The following WDR11 variants were observed in gnomAD, a reference collection of about 807,000 sequenced individuals.
WDR11 encodes the protein WD repeat-containing protein 11.
Under a neutral mutation model 151.2 loss-of-function variants are expected in WDR11, and 83 were observed. That is an observed-to-expected ratio of 0.55 (90% confidence interval 0.46 to 0.66). WDR11 has a LOEUF of 0.66. Among genes scored for constraint, WDR11 ranks in the 30% least tolerant of loss-of-function variants. The pLI is 0.00. For missense variants in WDR11, 1,301 were observed against 1,480.9 expected (o/e 0.88, Z 1.99); for synonymous variants, 484 against 533.1 (o/e 0.91, Z 1.27).
Position 120,866,107 on chromosome 10 carries a change from A to G in WDR11, c.994+363A>G, listed in dbSNP as rs112356960. Among the ~76,000 whole-genome samples, 1,368 of 152,060 alleles carry G rather than the reference A, an allele frequency of 9.0e-3. 20 individuals are homozygous for G. Among genetic ancestry groups the G allele is most frequent in the African/African-American group, 0.031 (1,294 of 41,498 alleles). On this transcript the variant is annotated intron_variant, in intron 7 of 28. Coordinates refer to ENST00000263461, the MANE Select transcript of WDR11 (RefSeq NM_018117.12). ...CTGTAAGAACTTCCATTGTAAAGTGACAGAGGTTATTAAGTCTCAGTTGTC... is the reference window on the plus strand; with the variant it reads ...CTGTAAGAACTTCCATTGTAAAGTGGCAGAGGTTATTAAGTCTCAGTTGTC...
In WDR11 at chr10:120,865,061, C is replaced by T; in HGVS notation, c.728C>T (p.Thr243Ile). 1 of 1,613,884 alleles carries T rather than the reference C, an allele frequency of 6.2e-7. No individual in the cohort carries two copies. Among genetic ancestry groups the T allele is most frequent in the Non-Finnish European group, 8.5e-7 (1 of 1,179,830 alleles). The change falls in exon 6 of 29, where the codon ACT becomes ATT. Residue 243 changes from threonine (T) to isoleucine (I), a missense_variant. Thr to Ile is a moderately conservative substitution (Grantham distance 89). Transcript: ENST00000263461. ...ACTTTTTTCAGTGCTGAATTCATAA[C>T]TCTCAATGATTGCCTTCAGTTGGCA... ...TQEKPSAEFI[T>I]LNDCLQLAYL...
At position 120,860,271 on chromosome 10, in the gene WDR11, C is replaced by T. The variant is rs762652103; in HGVS notation, c.515C>T (p.Ser172Leu). 5.0e-6 allele frequency: 8 copies of T among 1,613,630 alleles called. No homozygotes were observed. Among genetic ancestry groups the T allele is most frequent in the Middle Eastern group, 1.6e-4 (1 of 6,082 alleles). Residue 172 changes from serine to leucine, a missense_variant, in exon 4 of 29, where the codon TCA becomes TTA. Ser to Leu is a moderately radical substitution (Grantham distance 145). Coordinates refer to ENST00000263461, the MANE Select transcript of WDR11 (RefSeq NM_018117.12). Reference protein sequence around the residue: ...LSFSFDPFDPSHLTLLTSEGI... With the variant: ...LSFSFDPFDPLHLTLLTSEGI... ...TTTTCTTTTGACCCTTTTGATCCCT[C>T]ACATTTAACTTGTGAGTAACAGTTG...
Position 120,902,333 on chromosome 10 carries a change from T to G in WDR11, c.2753+11T>G. 1 of 1,610,780 alleles carries G rather than the reference T, an allele frequency of 6.2e-7. No individual in the cohort carries two copies. The highest frequency in any genetic ancestry group is 8.5e-7 in the Non-Finnish European group (1 of 1,177,062). ...CCTGCTTGTTTCAAGGTAATATTGTTTGATGTATTCTGTATAAGAGACAGG... is the reference window on the plus strand; with the variant it reads ...CCTGCTTGTTTCAAGGTAATATTGTGTGATGTATTCTGTATAAGAGACAGG... On this transcript the variant is annotated intron_variant, in intron 22 of 28. Coordinates refer to ENST00000263461, the MANE Select transcript of WDR11 (RefSeq NM_018117.12).
At chr10:120,853,427 A>G (rs1845847838) in intron 2 of WDR11, among the ~76,000 whole-genome samples, 1 of 151,930 alleles carries the variant, frequency 6.6e-6, no homozygotes. Flanking sequence ...CACCATGCCC[A>G]GCTAATTTTT....
Position 120,906,978 on chromosome 10 carries a change from A to G in WDR11, c.3517+123A>G. The G allele has an allele frequency of 3.5e-6, 5 of 1,436,046 alleles. 1 individual carries two copies. In the South Asian group the frequency reaches 4.7e-5, roughly 14 times the overall value. The allele number at this position is 1,436,046 out of a possible 1,614,324, so 89.0% of individuals were successfully genotyped here. Reference sequence around the variant, plus strand: ...TATATTGTGAAAGATCCATGTTCTGATTTTCTGATTCACCAAAGCCAGGAA... The same window carrying G: ...TATATTGTGAAAGATCCATGTTCTGGTTTTCTGATTCACCAAAGCCAGGAA... On this transcript the variant is annotated intron_variant, in intron 28 of 28. Transcript: ENST00000263461.
At chr10:120,877,266 T>C (rs1439468) in intron 11 of WDR11, among the ~76,000 whole-genome samples, 98,920 of 152,034 alleles carry the variant, frequency 0.65, 33,049 homozygotes, top group African/African-American at 0.81. Flanking sequence ...ATATACTACT[T>C]ATCAGATAAA....
At chr10:120,908,233 CTCTCT>C (rs566168114) in intron 28 of WDR11, 8 of 355,878 alleles carry the variant, frequency 2.2e-5, no homozygotes, top group South Asian at 8.0e-5. Context: ...TAAGTTTCTC[CTCTCT>C]TATCATTCAT....
At chr10:120,858,934 G>T in intron 3 of WDR11, 138 bp downstream of exon 3, 1 of 1,074,172 alleles carries the variant, frequency 9.3e-7, no homozygotes, top group Non-Finnish European at 1.4e-6. Context: ...TGCCTATTCT[G>T]CTGATCTAAA....
intron 27 of WDR11, 44 bp from the exon 28 acceptor site, chr10:120,906,732 A>G (rs549150058): frequency 6.2e-7 from 1 of 1,613,986 alleles, no homozygotes. Context: ...CCCACCAGTG[A>G]TGTAAATCAC....
intron 6 of WDR11, 93 bp downstream of exon 6, chr10:120,865,305 C>G (rs1054051614): frequency 1.1e-5 from 14 of 1,254,766 alleles, no homozygotes; most frequent in African/African-American, 1.5e-5. Context: ...GTCTTCAGTT[C>G]TCCACTTTCT....
intron 20 of WDR11, 86 bp from the exon 21 acceptor site, chr10:120,900,950 T>C: frequency 1.0e-6 from 1 of 973,040 alleles, no homozygotes; most frequent in South Asian, 1.3e-5. Context: ...AGGTTATCTC[T>C]ATATTAACAC....
chr10:120,897,326 ACAAG>A (rs1228198771), intron 19 of WDR11, among the ~76,000 whole-genome samples: 1 of 152,216 alleles, frequency 6.6e-6, no homozygotes, highest in Non-Finnish European at 1.5e-5. Flanking sequence ...AATTGTATAC[ACAAG>A]CAAGGATCAC....
rs2289337 is a variant in WDR11 at position 120,889,970 on chromosome 10, A to G, written c.2304A>G (p.Ala768=). The G allele has an allele frequency of 0.21, 342,374 of 1,612,416 alleles. 37,653 individuals are homozygous for G. Among genetic ancestry groups the G allele is most frequent in the African/African-American group, 0.27 (20,536 of 74,954 alleles). The part of the protein sequence containing the change: ...APGKGNQKLI[A]MYNDGAEVWD... ...GTAAAGGAAATCAAAAATTAATAGC[A>G]ATGTACAATGATGGAGCTGAAGTGT... The change falls in exon 18 of 29, where the codon GCA becomes GCG. Residue 768 remains alanine, a synonymous_variant. Coordinates refer to ENST00000263461, the MANE Select transcript of WDR11 (RefSeq NM_018117.12).
intron 10 of WDR11, among the ~76,000 whole-genome samples, chr10:120,872,223 A>G (rs940579370): frequency 2.4e-4 from 36 of 152,144 alleles, no homozygotes; most frequent in Non-Finnish European, 7.4e-5. Flanking sequence ...TTCTGTGCCT[A>G]TCTTTTGAAA....
At chr10:120,882,484 A>T (rs1847045557) in intron 13 of WDR11, among the ~76,000 whole-genome samples, 1 of 151,568 alleles carries the variant, frequency 6.6e-6, no homozygotes, top group African/African-American at 2.4e-5. Context: ...ATTTATTAGG[A>T]AACCCATCTG....
At chr10:120,870,593 A>G (rs547034824) in intron 9 of WDR11, among the ~76,000 whole-genome samples, 3 of 152,312 alleles carry the variant, frequency 2.0e-5, no homozygotes, top group East Asian at 1.9e-4. Flanking sequence ...TATATTATAC[A>G]CGTGATTTAT....
chr10:120,902,194 C>T, intron 21 of WDR11, 63 bp from the exon 22 acceptor site: 1 of 1,327,954 alleles, frequency 7.5e-7, no homozygotes, highest in Non-Finnish European at 1.1e-6. Flanking sequence ...TATTGATCAA[C>T]CCCCATGCTT....
chr10:120,852,237 T>C (rs541168972), intron 1 of WDR11: 135 of 393,292 alleles, frequency 3.4e-4, no homozygotes, highest in African/African-American at 2.5e-3. Flanking sequence ...GACGTATGCC[T>C]ACAAGAACAG....
chr10:120,900,928 G>T, intron 20 of WDR11, 108 bp from the exon 21 acceptor site: 1 of 796,718 alleles, frequency 1.3e-6, no homozygotes, highest in South Asian at 1.5e-5. Context: ...TTCTAACCAA[G>T]AACTACGAAG....
Sources: allele counts gnomAD v4.1 joint callset (sites outside exome capture counted in the v4.1 genomes callset), GRCh38; gene constraint gnomAD v4.1.1; transcripts MANE v1.5; gene names NCBI Gene and HGNC (gene_info 2026-07-23, HGNC 2026-07-21).